The following PDHX variants were observed in gnomAD, a reference collection of about 807,000 sequenced individuals.
PDHX encodes pyruvate dehydrogenase protein X component, mitochondrial.
A neutral mutation model predicts 55.3 loss-of-function variants in PDHX; 33 were observed. The ratio of observed to expected loss-of-function variants is 0.60; its 90% CI spans 0.45 to 0.80. The LOEUF (loss-of-function observed/expected upper bound fraction) is 0.80, where lower values mean the gene tolerates loss of function less well. Among genes scored for constraint, PDHX ranks in the 30% least tolerant of loss-of-function variants. PDHX has a pLI of 0.00. For missense variants in PDHX, 622 were observed against 619.9 expected, an observed-to-expected ratio of 1.00 and a Z score of -0.04; for synonymous variants, 226 against 219.4, an observed-to-expected ratio of 1.03 and a Z score of -0.27.
chr11:34,978,245 A>G, intron 8 of PDHX, 63 bp downstream of exon 8: 1 of 922,714 alleles, frequency 1.1e-6, no homozygotes, highest in African/African-American at 1.6e-5. Context: ...GAATTTTTAC[A>G]ATGACAAATA....
intron 1 of PDHX, among the ~76,000 whole-genome samples, chr11:34,918,065 T>C (rs1490094500): frequency 1.3e-5 from 2 of 152,190 alleles, no homozygotes; most frequent in Non-Finnish European, 2.9e-5. Context: ...GTGCTCTTAA[T>C]CTTGTTTATC....
In PDHX at chr11:34,976,688, G is replaced by C. The variant is rs78983792; in HGVS notation, c.965-1436G>C. 5.1e-3 allele frequency among the ~76,000 whole-genome samples: 774 copies of C among 152,284 alleles called. 7 individuals carry two copies. Among genetic ancestry groups the C allele is most frequent in the African/African-American group, 0.018 (734 of 41,558 alleles). ...AGTGGAAGAAAACCAGGAGAGTATAGTGACATAGGAGCCAGTAAAAGAATA... is the reference window on the plus strand; with the variant it reads ...AGTGGAAGAAAACCAGGAGAGTATACTGACATAGGAGCCAGTAAAAGAATA... On this transcript the variant is annotated intron_variant, in intron 7 of 10. Transcript: ENST00000227868.
intron 1 of PDHX, among the ~76,000 whole-genome samples, chr11:34,931,081 T>A (rs1854151375): frequency 6.6e-6 from 1 of 152,158 alleles, no homozygotes; most frequent in Non-Finnish European, 1.5e-5. Flanking sequence ...AAGGAGGAGG[T>A]GAAACCTAAA....
intron 8 of PDHX, among the ~76,000 whole-genome samples, chr11:34,981,459 A>C (rs1448688282): frequency 1.3e-5 from 2 of 152,170 alleles, no homozygotes; most frequent in Non-Finnish European, 2.9e-5. Flanking sequence ...CACAATAAAC[A>C]TATGTGTGCA....
intron 1 of PDHX, among the ~76,000 whole-genome samples, chr11:34,925,409 A>G (rs954745799): frequency 6.6e-6 from 1 of 152,142 alleles, no homozygotes; most frequent in Non-Finnish European, 1.5e-5. Context: ...GGTCTCTTTA[A>G]TTGATTATTA....
chr11:34,963,428 C>T (rs1477887843), intron 5 of PDHX, among the ~76,000 whole-genome samples: 1 of 152,072 alleles, frequency 6.6e-6, no homozygotes, highest in Non-Finnish European at 1.5e-5. Flanking sequence ...ACAGGTGTGC[C>T]ACCATGCCTG....
Position 34,972,976 on chromosome 11 carries a change from G to A in PDHX, c.964+2690G>A, listed in dbSNP as rs146156406. Among the ~76,000 whole-genome samples, 1,522 of 152,216 alleles carry A rather than the reference G, an allele frequency of 1.0e-2. 32 individuals are homozygous for A. The highest frequency in any genetic ancestry group is 0.034 in the African/African-American group (1,403 of 41,562). On this transcript the variant is annotated intron_variant, in intron 7 of 10. Coordinates refer to ENST00000227868, the MANE Select transcript of PDHX (RefSeq NM_003477.3). The stretch of plus-strand genomic sequence containing the variant: ...AATTTTTTTATTTTTGCAAAGGAAT[G>A]TTCTATAAATGTCAGGCCAAGCTGG...
chr11:34,957,982 G>T (rs796411147), intron 4 of PDHX, among the ~76,000 whole-genome samples: 1 of 152,082 alleles, frequency 6.6e-6, no homozygotes, highest in South Asian at 2.1e-4. Context: ...ATATAAAATA[G>T]AATTCATGTT....
chr11:34,916,936 C>A, intron 1 of PDHX, 121 bp downstream of exon 1: 2 of 993,076 alleles, frequency 2.0e-6, no homozygotes, highest in Non-Finnish European at 3.1e-6. Flanking sequence ...TATTCCCTTT[C>A]CTCTTTCTCC....
chr11:34,959,638 C>T (rs1012661373), intron 4 of PDHX, among the ~76,000 whole-genome samples: 11 of 151,980 alleles, frequency 7.2e-5, no homozygotes, highest in African/African-American at 2.7e-4. Context: ...GATATTTGTA[C>T]ATCTATGTTC....
At chr11:34,977,495 C>G (rs974146974) in intron 7 of PDHX, among the ~76,000 whole-genome samples, 1 of 152,136 alleles carries the variant, frequency 6.6e-6, no homozygotes, top group African/African-American at 2.4e-5. Context: ...ATTAATCACA[C>G]TAGGACCTAT....
At chr11:34,975,090 T>C (rs569968938) in intron 7 of PDHX, among the ~76,000 whole-genome samples, 2 of 152,354 alleles carry the variant, frequency 1.3e-5, no homozygotes, top group East Asian at 3.8e-4. Flanking sequence ...TAAATAAAGA[T>C]ACTATTTCTT....
At chr11:34,989,369 G>A (rs1250970832) in intron 9 of PDHX, among the ~76,000 whole-genome samples, 2 of 151,282 alleles carry the variant, frequency 1.3e-5, no homozygotes, top group Non-Finnish European at 2.9e-5. Context: ...ACTACTGTAT[G>A]CAACTGGGAG....
At chr11:34,983,883 C>A (rs1339603024) in intron 8 of PDHX, among the ~76,000 whole-genome samples, 1 of 152,204 alleles carries the variant, frequency 6.6e-6, no homozygotes, top group Non-Finnish European at 1.5e-5. Context: ...CCATCCCCAT[C>A]AAGCTACCAA....
At chr11:34,941,985 C>CT (rs1309387046) in intron 2 of PDHX, 1 of 152,650 alleles carries the variant, frequency 6.6e-6, no homozygotes, top group Non-Finnish European at 1.5e-5. Flanking sequence ...GCTGCCATCT[C>CT]TTTCTTCAAT....
chr11:34,954,669 A>G (rs892582933), intron 3 of PDHX, among the ~76,000 whole-genome samples: 1 of 152,224 alleles, frequency 6.6e-6, no homozygotes, highest in Non-Finnish European at 1.5e-5. Context: ...TGTTGAATGT[A>G]TTGTTTTAAA....
At chr11:34,986,429 A>G (rs1414353405) in intron 9 of PDHX, among the ~76,000 whole-genome samples, 2 of 152,142 alleles carry the variant, frequency 1.3e-5, no homozygotes, top group South Asian at 2.1e-4. Context: ...TTCAGCGACA[A>G]TGAGAATATT....
intron 2 of PDHX, among the ~76,000 whole-genome samples, chr11:34,946,609 C>T (rs977778896): frequency 1.2e-4 from 19 of 152,174 alleles, no homozygotes; most frequent in Admixed American, 2.6e-4. Flanking sequence ...GATACAGCCC[C>T]GGAGCCAGAG....
intron 10 of PDHX, among the ~76,000 whole-genome samples, chr11:34,994,134 C>T (rs565763114): frequency 2.0e-5 from 3 of 152,170 alleles, no homozygotes; most frequent in South Asian, 2.1e-4. Flanking sequence ...AGTGTACTTA[C>T]GCAAATCATG....
Sources: gnomAD v4.1 joint callset for allele counts (sites outside exome capture counted in the v4.1 genomes callset) on GRCh38, gnomAD v4.1.1 for gene constraint, MANE v1.5 for transcripts, NCBI Gene and HGNC (gene_info 2026-07-23, HGNC 2026-07-21) for gene names.